Variants in DOCK5 observed in about 807,000 individuals in gnomAD.
DOCK5 encodes dedicator of cytokinesis 5.
A neutral mutation model predicts 251.8 loss-of-function variants in DOCK5; 142 were observed. The ratio of observed to expected loss-of-function variants is 0.56; its 90% confidence interval spans 0.49 to 0.65. The LOEUF (loss-of-function observed/expected upper bound fraction) is 0.65. Among genes scored for constraint, DOCK5 ranks in the 30% least tolerant of loss-of-function variants. The pLI is 0.00. For missense variants in DOCK5, 2,111 were observed against 2,312.3 expected, an observed-to-expected ratio of 0.91 and a Z score of 1.79; for synonymous variants, 842 against 835.5, an observed-to-expected ratio of 1.01 and a Z score of -0.13.
At chr8:25,366,575 C>T (rs555387466) in intron 30 of DOCK5, among the ~76,000 whole-genome samples, 12 of 152,216 alleles carry the variant, frequency 7.9e-5, no homozygotes, top group African/African-American at 2.9e-4. Flanking sequence ...ACTTTTAGGA[C>T]TTTTGAAACA....
chr8:25,347,716 T>A (rs1280286091), intron 26 of DOCK5, among the ~76,000 whole-genome samples: 2 of 152,218 alleles, frequency 1.3e-5, no homozygotes, highest in African/African-American at 4.8e-5. Flanking sequence ...AATCAGAGCA[T>A]TGGATTCTAG....
chr8:25,332,561 A>G (rs1316166797), intron 19 of DOCK5, 42 bp from the exon 20 acceptor site: 2 of 1,527,010 alleles, frequency 1.3e-6, no homozygotes, highest in Admixed American at 3.7e-5. Context: ...GTGGGGCTGA[A>G]TGAAAGCATC....
intron 1 of DOCK5, among the ~76,000 whole-genome samples, chr8:25,188,045 CAGTTTG>C (rs1166766918): frequency 1.3e-5 from 2 of 152,222 alleles, no homozygotes; most frequent in African/African-American, 4.8e-5. Context: ...TTAGTGCATT[CAGTTTG>C]CTTGTCCTTG....
At chr8:25,235,326 T>A (rs2117528561) in intron 1 of DOCK5, among the ~76,000 whole-genome samples, 1 of 152,308 alleles carries the variant, frequency 6.6e-6, no homozygotes, top group South Asian at 2.1e-4. Context: ...ACTGCTACAA[T>A]CTCAGCTCAC....
chr8:25,394,383 C>T (rs1586391812), intron 44 of DOCK5, among the ~76,000 whole-genome samples: 1 of 151,350 alleles, frequency 6.6e-6, no homozygotes, highest in African/African-American at 2.4e-5. Context: ...ATTTTGTAGA[C>T]ATTTCCATAG....
chr8:25,184,738 A>ACGGGCACGGGCG lies in DOCK5; in HGVS notation c.-165_-154dup. 1 of 400,664 alleles carries ACGGGCACGGGCG rather than the reference A, an allele frequency of 2.5e-6. No individual in the cohort carries two copies. Among genetic ancestry groups the ACGGGCACGGGCG allele is most frequent in the Non-Finnish European group, 3.8e-6 (1 of 266,136 alleles). The allele number at this position is 400,664 out of a possible 1,614,324, so 24.8% of individuals were successfully genotyped here. A position where few individuals can be genotyped will look rare whatever the true frequency, so the allele number is the denominator to read the frequency against. The stretch of plus-strand genomic sequence containing the variant: ...GCAGGTGACCGCGGGCGGCGCGGGC[A>ACGGGCACGGGCG]CGGGCACGGGCGCGGGCGGCGCGGC... On this transcript the variant is annotated 5_prime_UTR_variant, in exon 1 of 52. Transcript: ENST00000276440.
chr8:25,379,758 G>A (rs780446412), intron 38 of DOCK5, among the ~76,000 whole-genome samples: 6 of 151,884 alleles, frequency 4.0e-5, no homozygotes, highest in South Asian at 2.1e-4. Context: ...AGCTCCAGCC[G>A]GTCCCTCCAT....
intron 14 of DOCK5, among the ~76,000 whole-genome samples, chr8:25,317,823 G>T (rs185876140): frequency 1.3e-5 from 2 of 152,280 alleles, no homozygotes; most frequent in East Asian, 3.9e-4. Flanking sequence ...ATGTTAGCCA[G>T]GATGGTCTCG....
chr8:25,389,349 C>A (rs1801218406), intron 41 of DOCK5, 117 bp downstream of exon 41: 2 of 1,301,538 alleles, frequency 1.5e-6, no homozygotes, highest in South Asian at 1.6e-5. Flanking sequence ...TCTTCTCAAG[C>A]ATTCTGACAC....
Position 25,373,856 on chromosome 8 carries a change from A to T in DOCK5, c.3725+198A>T, listed in dbSNP as rs949692704. On this transcript the variant is annotated intron_variant, in intron 36 of 51. Transcript: ENST00000276440. ...ATAAGTACGACAGGAAGGAGTGCCT[A>T]TGTGAGGTCATGTCAGGGATCAGGG... is the stretch of plus-strand genomic sequence containing the variant. Among the ~76,000 whole-genome samples the T allele has an allele frequency of 2.0e-5, 3 of 152,186 alleles. No homozygotes were observed. In the South Asian group the frequency reaches 6.2e-4, roughly 31 times the overall value.
intron 1 of DOCK5, among the ~76,000 whole-genome samples, chr8:25,226,081 A>T (rs902050732): frequency 6.6e-6 from 1 of 152,230 alleles, no homozygotes; most frequent in Admixed American, 6.5e-5. Flanking sequence ...AAGAAAAAAT[A>T]CTGAAGTCAT....
Position 25,287,365 on chromosome 8 carries a change from G to A in DOCK5, c.322-4659G>A, listed in dbSNP as rs185794853. 1.4e-3 allele frequency among the ~76,000 whole-genome samples: 216 copies of A among 152,172 alleles called. 1 individual carries two copies. Among genetic ancestry groups the A allele is most frequent in the African/African-American group, 4.9e-3 (205 of 41,530 alleles). ...TGTTTGAACCCAGGAGGTGGAGGTT[G>A]CTGTGAGCCAAGATTGCACTACTGC... is the stretch of plus-strand genomic sequence containing the variant. On this transcript the variant is annotated intron_variant, in intron 5 of 51. Transcript: ENST00000276440.
intron 13 of DOCK5, among the ~76,000 whole-genome samples, chr8:25,313,041 A>G (rs1805144009): frequency 6.6e-6 from 1 of 152,190 alleles, no homozygotes; most frequent in African/African-American, 2.4e-5. Context: ...CCAGATTTCT[A>G]GAGACCGATT....
chr8:25,383,150 A>T (rs2117305550), intron 40 of DOCK5, among the ~76,000 whole-genome samples: 1 of 152,352 alleles, frequency 6.6e-6, no homozygotes, highest in East Asian at 1.9e-4. Flanking sequence ...AGACTGCAGG[A>T]GTATCCCAAA....
chr8:25,309,280 G>T (rs1805027575), intron 12 of DOCK5, among the ~76,000 whole-genome samples: 1 of 152,070 alleles, frequency 6.6e-6, no homozygotes, highest in African/African-American at 2.4e-5. Flanking sequence ...CACTTCCTGG[G>T]CTCAAGCATC....
intron 1 of DOCK5, among the ~76,000 whole-genome samples, chr8:25,203,733 G>A (rs1303022166): frequency 6.6e-6 from 1 of 152,116 alleles, no homozygotes; most frequent in Non-Finnish European, 1.5e-5. Flanking sequence ...AGATCAGATT[G>A]GAATCTGTCA....
chr8:25,238,469 G>T (rs900474700), intron 1 of DOCK5, among the ~76,000 whole-genome samples: 1 of 152,232 alleles, frequency 6.6e-6, no homozygotes, highest in African/African-American at 2.4e-5. Flanking sequence ...AGATGACGGC[G>T]GTGATTGGAA....
chr8:25,390,181 C>A, intron 41 of DOCK5, 25 bp from the exon 42 acceptor site: 1 of 1,562,782 alleles, frequency 6.4e-7, no homozygotes, highest in South Asian at 1.2e-5. Flanking sequence ...CCCAGCCCCT[C>A]TCCTTTCCTT....
At chr8:25,194,400 TC>T (rs1185439866) in intron 1 of DOCK5, among the ~76,000 whole-genome samples, 20 of 152,214 alleles carry the variant, frequency 1.3e-4, no homozygotes, top group Non-Finnish European at 2.6e-4. Context: ...CATTTTCTTC[TC>T]TAGACTTTTG....
Sources: gnomAD v4.1 joint callset for allele counts (sites outside exome capture counted in the v4.1 genomes callset) on GRCh38, gnomAD v4.1.1 for gene constraint, MANE v1.5 for transcripts, NCBI Gene and HGNC (gene_info 2026-07-23, HGNC 2026-07-21) for gene names.